The following EPAS1 variants were observed in gnomAD, a reference collection of about 807,000 sequenced individuals.
EPAS1 encodes endothelial PAS domain-containing protein 1.
A neutral mutation model predicts 87.9 loss-of-function variants in EPAS1; 23 were observed. The observed-to-expected ratio is 0.26, with a 90% CI of 0.19 to 0.37. The LOEUF (loss-of-function observed/expected upper bound fraction) is 0.37. Ranked by LOEUF, EPAS1 falls within the 10% of genes least tolerant of loss-of-function variation. The pLI, the probability that EPAS1 is intolerant of heterozygous loss-of-function variation, is 1.00. For missense variants in EPAS1, 1,138 were observed against 1,120.7 expected (o/e 1.02, Z -0.22); for synonymous variants, 508 against 444.3 (o/e 1.14, Z -1.80).
At chr2:46,298,698 C>T (rs1682936061) in intron 1 of EPAS1, among the ~76,000 whole-genome samples, 1 of 152,222 alleles carries the variant, frequency 6.6e-6, no homozygotes, top group Non-Finnish European at 1.5e-5. Flanking sequence ...ACGATCTGCC[C>T]GCCTGCCCTC....
Position 46,337,272 on chromosome 2 carries a change from C to T in EPAS1, c.27-9601C>T, listed in dbSNP as rs76161519. The stretch of plus-strand genomic sequence containing the variant: ...GAGAGCAACACAGGGCCAAATCGTG[C>T]GTGTGTAACCTCTGAAATGGGACTT... On this transcript the variant is annotated intron_variant, in intron 1 of 15. Transcript: ENST00000263734. Among the ~76,000 whole-genome samples, 1,057 of 152,250 alleles carry T rather than the reference C, an allele frequency of 6.9e-3. 7 individuals carry two copies. The highest frequency in any genetic ancestry group is 0.011 in the Non-Finnish European group (733 of 68,018).
intron 1 of EPAS1, among the ~76,000 whole-genome samples, chr2:46,343,642 T>G (rs2104868843): frequency 6.6e-6 from 1 of 152,358 alleles, no homozygotes; most frequent in African/African-American, 2.4e-5. Context: ...TTATTATTTG[T>G]CCTTTTAGGT....
At chr2:46,315,691 C>T (rs1263557141) in intron 1 of EPAS1, among the ~76,000 whole-genome samples, 1 of 152,240 alleles carries the variant, frequency 6.6e-6, no homozygotes, top group African/African-American at 2.4e-5. Context: ...AGTGCAGGAG[C>T]AGCTCACTCA....
chr2:46,346,494 G>C lies in EPAS1; in HGVS notation c.27-379G>C, dbSNP rs548880554. ...CCTTGACAAAGCCATCTGAGCCACT[G>C]ATCATAGCTTCCTTACCCTTCTCTT... is the stretch of plus-strand genomic sequence containing the variant. On this transcript the variant is annotated intron_variant, in intron 1 of 15. Coordinates refer to ENST00000263734, the MANE Select transcript of EPAS1 (RefSeq NM_001430.5). This position sits in a 1 kb window ranked among gnomAD's most constrained non-coding sequence, Gnocchi z 4.0. Among the ~76,000 whole-genome samples, 1 of 152,176 alleles carries C rather than the reference G, an allele frequency of 6.6e-6. No homozygotes were observed. The highest frequency in any genetic ancestry group is 1.5e-5 in the Non-Finnish European group (1 of 68,036).
At chr2:46,356,414 G>A (rs1684273305) in intron 3 of EPAS1, 112 bp downstream of exon 3, 5 of 1,394,994 alleles carry the variant, frequency 3.6e-6, no homozygotes, top group East Asian at 2.3e-5. Flanking sequence ...AAATGCCCAC[G>A]GTGACCCTCG....
chr2:46,356,039 G>A (rs901452057), intron 2 of EPAS1, 112 bp from the exon 3 acceptor site: 4 of 1,226,224 alleles, frequency 3.3e-6, no homozygotes, highest in African/African-American at 3.0e-5. Flanking sequence ...TGCGTTTCCA[G>A]AAAAGTCCAC....
Position 46,382,818 on chromosome 2 carries a change from A to G in EPAS1, c.2461+220A>G, listed in dbSNP as rs11690950. ...CCCCCAGTGGGTGGGTCTGAGACAC[A>G]GCTAAAAAACTCAAACTCAGGCTAG... On this transcript the variant is annotated intron_variant, in intron 15 of 15. Coordinates refer to ENST00000263734, the MANE Select transcript of EPAS1 (RefSeq NM_001430.5). Among the ~76,000 whole-genome samples, 79,068 of 151,682 alleles carry G rather than the reference A, an allele frequency of 0.52. 21,026 individuals are homozygous for G. Among genetic ancestry groups the G allele is most frequent in the Non-Finnish European group, 0.58 (39,463 of 67,814 alleles).
chr2:46,320,935 A>C (rs368301783), intron 1 of EPAS1, among the ~76,000 whole-genome samples: 1 of 152,220 alleles, frequency 6.6e-6, no homozygotes, highest in African/African-American at 2.4e-5. Flanking sequence ...CTGCAATTCA[A>C]TGGCATTAAG....
At chr2:46,310,172 A>G (rs900575613) in intron 1 of EPAS1, among the ~76,000 whole-genome samples, 1 of 151,562 alleles carries the variant, frequency 6.6e-6, no homozygotes, top group African/African-American at 2.4e-5. Context: ...ATCCTAAAAT[A>G]GCAGTGACCC....
rs1360009292 is a variant in EPAS1 at position 46,385,786 on chromosome 2, T to G, written c.*1126T>G. The G allele has an allele frequency of 6.6e-6, 1 of 152,232 alleles. No individual in the cohort carries two copies. Among genetic ancestry groups the G allele is most frequent in the Non-Finnish European group, 1.5e-5 (1 of 68,060 alleles). The allele number at this position is 152,232 out of a possible 1,614,324, so 9.4% of individuals were successfully genotyped here. ...GAAGTGCTCTAACTTTTCTTAAGGT[T>G]TTGTTGCTAGCCCTTCAAGTGCACT... is the stretch of plus-strand genomic sequence containing the variant. On this transcript the variant is annotated 3_prime_UTR_variant, in exon 16 of 16. Transcript: ENST00000263734.
chr2:46,316,306 T>C (rs1429926159), intron 1 of EPAS1, among the ~76,000 whole-genome samples: 1 of 152,076 alleles, frequency 6.6e-6, no homozygotes, highest in South Asian at 2.1e-4. Flanking sequence ...TTGCACAGAC[T>C]GGAGTGCAAT....
rs1445965892 is a variant in EPAS1 at position 46,360,662 on chromosome 2, A to C, written c.479A>C (p.Lys160Thr). 6.2e-7 allele frequency: 1 copy of C among 1,613,936 alleles called. No homozygotes were observed. The highest frequency in any genetic ancestry group is 1.3e-5 in the African/African-American group (1 of 75,044). ...GGCTCTGGTTTTGGGAAAAAAAGCA[A>C]AGACATGTCCACAGAGCGGGACTTC... ...KNGSGFGKKS[K>T]DMSTERDFFM... Residue 160 changes from lysine (K) to threonine (T), a missense_variant, in exon 5 of 16, where the codon AAA becomes ACA. Lys to Thr is a moderately conservative substitution (Grantham distance 78). This residue lies in a region of EPAS1 where 351 missense variants were observed against 417.1 expected (regional missense o/e 0.84). Transcript: ENST00000263734. The surrounding 1 kb of genome is among the most constrained non-coding windows in gnomAD (Gnocchi z 4.5).
At position 46,360,745 on chromosome 2, in the gene EPAS1, G is replaced by T; in HGVS notation, c.562G>T (p.Ala188Ser). Residue 188 changes from alanine to serine, a missense_variant, in exon 5 of 16, where the codon GCC becomes TCC. Physicochemically the swap from Ala to Ser is moderately conservative, Grantham distance 99. Around this residue, in one of 4 missense-constraint regions of EPAS1, gnomAD observed 351 missense variants for 417.1 expected, o/e 0.84. Coordinates refer to ENST00000263734, the MANE Select transcript of EPAS1 (RefSeq NM_001430.5). This position sits in a 1 kb window ranked among gnomAD's most constrained non-coding sequence, Gnocchi z 4.5. ...NRGRTVNLKS[A>S]TWKVLHCTGQ... ...AGGCCGTACTGTCAACCTCAAGTCA[G>T]CCACCTGGAAGGTAGGGCAACATCA... 1 of 1,614,092 alleles carries T rather than the reference G, an allele frequency of 6.2e-7. No homozygotes were observed. Among genetic ancestry groups the T allele is most frequent in the Non-Finnish European group, 8.5e-7 (1 of 1,180,016 alleles).
At chr2:46,354,711 C>T (rs13421247) in intron 2 of EPAS1, among the ~76,000 whole-genome samples, 343 of 152,166 alleles carry the variant, frequency 2.3e-3, no homozygotes, top group African/African-American at 8.0e-3. Context: ...CCATTCTGTA[C>T]GCCATTGCCA....
At chr2:46,377,478 T>C (rs1266317728) in intron 9 of EPAS1, among the ~76,000 whole-genome samples, 1 of 152,188 alleles carries the variant, frequency 6.6e-6, no homozygotes. Context: ...CACGTGAGGA[T>C]TGCAGCTAAA....
intron 3 of EPAS1, 132 bp downstream of exon 3, chr2:46,356,434 G>A (rs1189683182): frequency 8.4e-7 from 1 of 1,193,668 alleles, no homozygotes. Context: ...GCTGACCTCA[G>A]GCCACACGCC....
chr2:46,317,263 G>C (rs1037375666), intron 1 of EPAS1, among the ~76,000 whole-genome samples: 1 of 152,156 alleles, frequency 6.6e-6, no homozygotes, highest in African/African-American at 2.4e-5. Flanking sequence ...ACTCTTTTCA[G>C]GTGGTTTTCA....
intron 2 of EPAS1, among the ~76,000 whole-genome samples, chr2:46,355,535 G>A (rs1684252476): frequency 6.6e-6 from 1 of 152,224 alleles, no homozygotes. Flanking sequence ...GTCGGTCACT[G>A]TGAAGATTAC....
rs1055448228 is a variant in EPAS1, at chr2:46,316,865, T to C, written c.26+18928T>C. 5.9e-5 allele frequency among the ~76,000 whole-genome samples: 9 copies of C among 152,362 alleles called. No individual in the cohort carries two copies. The East Asian group carries it at 1.7e-3, about 29-fold the overall frequency. On this transcript the variant is annotated intron_variant, in intron 1 of 15. Coordinates refer to ENST00000263734, the MANE Select transcript of EPAS1 (RefSeq NM_001430.5). ...AAACTTCCTTCATAATTGGTGTCAA[T>C]CCTCTCAAACCCTGCCACTGCTTTA...
Sources: gnomAD v4.1 joint callset for allele counts (sites outside exome capture counted in the v4.1 genomes callset) on GRCh38, gnomAD v4.1.1 for gene constraint, gnomAD v4.1.1 regional missense constraint, Gnocchi (gnomAD v3.1) non-coding constraint, MANE v1.5 for transcripts, NCBI Gene and HGNC (gene_info 2026-07-23, HGNC 2026-07-21) for gene names.